Variants in GRID2 observed in about 807,000 individuals in gnomAD.
The protein encoded by GRID2 is glutamate receptor ionotropic, delta-2.
GRID2 carries 33 observed loss-of-function variants against 114.8 expected under a neutral mutation model. That is an observed-to-expected ratio of 0.29 (90% CI 0.22 to 0.38). The LOEUF is 0.38. Among genes scored for constraint, GRID2 ranks in the 10% least tolerant of loss-of-function variants. The probability of loss-of-function intolerance (pLI) is 1.00; values close to 1 mark genes in which losing one functional copy is unlikely to be tolerated. For missense variants in GRID2, 1,184 were observed against 1,257.7 expected (o/e 0.94, Z 0.89); for synonymous variants, 505 against 449.9 (o/e 1.12, Z -1.55).
chr4:93,343,643 G>A (rs189018990), intron 8 of GRID2, among the ~76,000 whole-genome samples: 150 of 151,614 alleles, frequency 9.9e-4, no homozygotes, highest in African/African-American at 3.2e-3. Context: ...TCTTTCTGAT[G>A]TCATTGATTC....
chr4:92,380,589 C>G (rs1729574835), intron 1 of GRID2, among the ~76,000 whole-genome samples: 1 of 151,964 alleles, frequency 6.6e-6, no homozygotes, highest in South Asian at 2.1e-4. Flanking sequence ...TTAGCTGCCT[C>G]AAGTATTTCT....
At chr4:92,501,120 G>A (rs1435390145) in intron 1 of GRID2, among the ~76,000 whole-genome samples, 1 of 152,108 alleles carries the variant, frequency 6.6e-6, no homozygotes, top group East Asian at 1.9e-4. Flanking sequence ...TTGATTAGGA[G>A]GGAAGGACAA....
intron 1 of GRID2, among the ~76,000 whole-genome samples, chr4:92,556,131 C>T (rs1473746059): frequency 6.6e-6 from 1 of 152,068 alleles, no homozygotes; most frequent in Non-Finnish European, 1.5e-5. Context: ...GAAGGAGGGC[C>T]ACTAGCATAA....
At chr4:93,152,856 G>T (rs1438453680) in intron 4 of GRID2, among the ~76,000 whole-genome samples, 3 of 151,948 alleles carry the variant, frequency 2.0e-5, no homozygotes, top group African/African-American at 7.2e-5. Flanking sequence ...TATTACCTTG[G>T]AAGCATAGTT....
intron 1 of GRID2, among the ~76,000 whole-genome samples, chr4:92,401,306 A>T (rs1188060765): frequency 6.6e-6 from 1 of 152,198 alleles, no homozygotes; most frequent in Non-Finnish European, 1.5e-5. Flanking sequence ...GAAAGCAGAT[A>T]TTACATGTTT....
chr4:92,747,802 T>C (rs1468615510), intron 2 of GRID2, among the ~76,000 whole-genome samples: 1 of 152,182 alleles, frequency 6.6e-6, no homozygotes, highest in Non-Finnish European at 1.5e-5. Flanking sequence ...AGGTAAGACC[T>C]TGATGTTAAG....
At chr4:92,713,968 C>A (rs1248300588) in intron 2 of GRID2, among the ~76,000 whole-genome samples, 1 of 152,058 alleles carries the variant, frequency 6.6e-6, no homozygotes, top group Non-Finnish European at 1.5e-5. Context: ...CCAATCATGC[C>A]TTCCCAACAG....
chr4:93,484,979 C>T (rs969774916), intron 11 of GRID2, among the ~76,000 whole-genome samples: 4 of 151,876 alleles, frequency 2.6e-5, no homozygotes, highest in South Asian at 2.1e-4. Flanking sequence ...GATATGCATA[C>T]GTTAGTTTTC....
intron 1 of GRID2, among the ~76,000 whole-genome samples, chr4:92,574,540 G>A (rs548990611): frequency 1.3e-5 from 2 of 150,894 alleles, no homozygotes; most frequent in African/African-American, 4.9e-5. Context: ...GTCTGAAAAC[G>A]ACCTCTTTCT....
chr4:92,523,986 T>G (rs968399094), intron 1 of GRID2, among the ~76,000 whole-genome samples: 1 of 152,014 alleles, frequency 6.6e-6, no homozygotes, highest in African/African-American at 2.4e-5. Flanking sequence ...GAAGGTAAGA[T>G]GTGCTTAAAG....
chr4:92,333,189 T>G (rs1454013323), intron 1 of GRID2, among the ~76,000 whole-genome samples: 2 of 152,252 alleles, frequency 1.3e-5, no homozygotes, highest in Non-Finnish European at 2.9e-5. Context: ...ATTCTGCTCA[T>G]CTGCAGAGTC....
At chr4:93,179,301 C>T (rs559736020) in intron 4 of GRID2, among the ~76,000 whole-genome samples, 4 of 152,106 alleles carry the variant, frequency 2.6e-5, no homozygotes, top group East Asian at 1.9e-4. Context: ...TTCTTGTCTT[C>T]GTAGTAACTG....
intron 2 of GRID2, among the ~76,000 whole-genome samples, chr4:92,869,958 C>T (rs140906873): frequency 6.6e-6 from 1 of 151,890 alleles, no homozygotes; most frequent in Non-Finnish European, 1.5e-5. Flanking sequence ...TTTTGGGAGA[C>T]CAAGGCAGAA....
chr4:93,355,790 T>A (rs566947976), intron 8 of GRID2, among the ~76,000 whole-genome samples: 3 of 152,198 alleles, frequency 2.0e-5, no homozygotes, highest in Admixed American at 2.0e-4. Context: ...GCCCTGAAAG[T>A]GACACATTTT....
At chr4:93,207,138 AT>A (rs982745851) in intron 4 of GRID2, among the ~76,000 whole-genome samples, 2 of 151,898 alleles carry the variant, frequency 1.3e-5, no homozygotes, top group Non-Finnish European at 2.9e-5. Flanking sequence ...TTATTTATGT[AT>A]TTTTTTCTGT....
chr4:93,474,652 G>T (rs564738137), intron 11 of GRID2, among the ~76,000 whole-genome samples: 1 of 152,060 alleles, frequency 6.6e-6, no homozygotes, highest in Admixed American at 6.6e-5. Context: ...AAGAAATGGC[G>T]CATGTACTTG....
At chr4:93,489,853 G>T (rs915126249) in intron 11 of GRID2, among the ~76,000 whole-genome samples, 1 of 151,944 alleles carries the variant, frequency 6.6e-6, no homozygotes, top group Non-Finnish European at 1.5e-5. Flanking sequence ...GATGTCATAA[G>T]TTAGAGATGC....
intron 2 of GRID2, among the ~76,000 whole-genome samples, chr4:92,766,621 G>C (rs1239555115): frequency 1.3e-5 from 2 of 150,822 alleles, no homozygotes; most frequent in Non-Finnish European, 2.9e-5. Flanking sequence ...TATATTTGTA[G>C]AATATAAGAC....
intron 2 of GRID2, among the ~76,000 whole-genome samples, chr4:93,051,326 G>A (rs1215208276): frequency 6.6e-6 from 1 of 151,982 alleles, no homozygotes; most frequent in Non-Finnish European, 1.5e-5. Context: ...ATTTAAGTTT[G>A]GGACATATGG....
Sources: allele counts gnomAD v4.1 joint callset (sites outside exome capture counted in the v4.1 genomes callset), GRCh38; gene constraint gnomAD v4.1.1; transcripts MANE v1.5; gene names NCBI Gene and HGNC (gene_info 2026-07-23, HGNC 2026-07-21).